Variants in TENT2 observed in about 807,000 individuals in gnomAD.
The protein encoded by TENT2 is terminal nucleotidyltransferase 2.
A neutral mutation model predicts 72.2 loss-of-function variants in TENT2; 44 were observed. The ratio of observed to expected loss-of-function variants is 0.61; its 90% confidence interval spans 0.48 to 0.78. TENT2 has a LOEUF of 0.78. Ranked by LOEUF, TENT2 falls within the 30% of genes least tolerant of loss-of-function variation. The probability of loss-of-function intolerance (pLI) is 0.00; values close to 1 mark genes in which losing one functional copy is unlikely to be tolerated. For missense variants in TENT2, 541 were observed against 569.6 expected (o/e 0.95, Z 0.51); for synonymous variants, 212 against 192.5 (o/e 1.10, Z -0.84).
chr5:79,635,343 T>C (rs1046611052), intron 4 of TENT2, among the ~76,000 whole-genome samples: 2 of 152,222 alleles, frequency 1.3e-5, no homozygotes, highest in African/African-American at 2.4e-5. Context: ...ACGAAAATTC[T>C]TTCACATAAA....
chr5:79,677,556 T>C (rs1017458562), intron 12 of TENT2, among the ~76,000 whole-genome samples: 2 of 152,206 alleles, frequency 1.3e-5, no homozygotes, highest in Non-Finnish European at 2.9e-5. Flanking sequence ...CCTATAAAAA[T>C]AATGTTTACA....
intron 3 of TENT2, among the ~76,000 whole-genome samples, chr5:79,622,734 A>C (rs1766093745): frequency 6.6e-6 from 1 of 152,128 alleles, no homozygotes; most frequent in South Asian, 2.1e-4. Context: ...TTAATAAAAT[A>C]CTATTATCTG....
At chr5:79,646,097 A>G (rs1788740208) in intron 8 of TENT2, among the ~76,000 whole-genome samples, 1 of 152,144 alleles carries the variant, frequency 6.6e-6, no homozygotes, top group South Asian at 2.1e-4. Flanking sequence ...CTCACAGTCT[A>G]ATTAATGCCA....
intron 3 of TENT2, among the ~76,000 whole-genome samples, chr5:79,622,916 T>C: frequency 6.6e-6 from 1 of 152,166 alleles, no homozygotes; most frequent in East Asian, 1.9e-4. Context: ...TATGTTATAG[T>C]TTGGATCTTC....
At chr5:79,620,948 AAG>A (rs1360794801) in intron 3 of TENT2, among the ~76,000 whole-genome samples, 1 of 152,222 alleles carries the variant, frequency 6.6e-6, no homozygotes, top group African/African-American at 2.4e-5. Context: ...CTTTGATTAA[AAG>A]AAATTCATTT....
In TENT2 at chr5:79,686,254, A is replaced by G. The variant is rs1825991472; in HGVS notation, c.*981A>G. On this transcript the variant is annotated 3_prime_UTR_variant, in exon 15 of 15. Coordinates refer to ENST00000453514, the MANE Select transcript of TENT2 (RefSeq NM_001114394.3). Reference sequence around the variant, plus strand: ...GTTTTAGATAAGACACAATAAAATTATTATAAATAAAAGCTTAATGTTTGT... The same window carrying G: ...GTTTTAGATAAGACACAATAAAATTGTTATAAATAAAAGCTTAATGTTTGT... 6.6e-6 allele frequency: 1 copy of G among 152,552 alleles called. No homozygotes were observed. The highest frequency in any genetic ancestry group is 1.5e-5 in the Non-Finnish European group (1 of 68,000). The allele number at this position is 152,552 out of a possible 1,614,324, so 9.4% of individuals were successfully genotyped here. A position where few individuals can be genotyped will look rare whatever the true frequency, so the allele number is the denominator to read the frequency against.
At chr5:79,630,536 C>T (rs1019729669) in intron 4 of TENT2, among the ~76,000 whole-genome samples, 1 of 152,164 alleles carries the variant, frequency 6.6e-6, no homozygotes, top group South Asian at 2.1e-4. Context: ...AAGACCACGC[C>T]ACTGCACTCT....
chr5:79,619,800 AT>A lies in TENT2; in HGVS notation c.137+19del. On this transcript the variant is annotated intron_variant, in intron 2 of 14. Transcript: ENST00000453514. ...CAGAATGCAGAGTGAGTATGGTGATATTTTGGCCCATGTTGTTGGTAAATTT... is the reference window on the plus strand; with the variant it reads ...CAGAATGCAGAGTGAGTATGGTGATATTTGGCCCATGTTGTTGGTAAATTT... 6.2e-7 allele frequency: 1 copy of A among 1,603,770 alleles called. No homozygotes were observed. Among genetic ancestry groups the A allele is most frequent in the Non-Finnish European group, 8.5e-7 (1 of 1,174,996 alleles).
In TENT2 at chr5:79,648,679, G is replaced by A; in HGVS notation, c.884G>A (p.Arg295Lys). 6 of 1,594,982 alleles carry A rather than the reference G, an allele frequency of 3.8e-6. No homozygotes were observed. The highest frequency in any genetic ancestry group is 4.3e-6 in the Non-Finnish European group (5 of 1,170,450). Residue 295 changes from arginine (R) to lysine (K), a missense_variant, in exon 9 of 15, where the codon AGA becomes AAA. Physicochemically the swap from Arg to Lys is conservative, Grantham distance 26. Transcript: ENST00000453514. ...IVGIRNTFLL[R>K]TYAYLENRVR... ...GGAATAAGAAACACATTCCTTCTCA[G>A]AACTTATGCATACCGTAAGTTTGTT...
intron 10 of TENT2, among the ~76,000 whole-genome samples, chr5:79,653,743 T>C (rs1232685139): frequency 2.0e-5 from 3 of 152,154 alleles, no homozygotes; most frequent in African/African-American, 7.2e-5. Flanking sequence ...ATGATTAAAA[T>C]AGTTGCTTTT....
intron 10 of TENT2, among the ~76,000 whole-genome samples, chr5:79,650,341 T>C (rs1250943127): frequency 1.3e-5 from 2 of 152,148 alleles, no homozygotes; most frequent in African/African-American, 4.8e-5. Flanking sequence ...TTTTGACTTG[T>C]AAAATGTCAC....
intron 10 of TENT2, among the ~76,000 whole-genome samples, chr5:79,655,929 A>AC (rs964724115): frequency 1.3e-5 from 2 of 151,834 alleles, no homozygotes; most frequent in Non-Finnish European, 2.9e-5. Flanking sequence ...ATAGTTGGAG[A>AC]CCGTGTAAGT....
chr5:79,631,818 A>G (rs565395786), intron 4 of TENT2, among the ~76,000 whole-genome samples: 48 of 152,290 alleles, frequency 3.2e-4, no homozygotes, highest in Non-Finnish European at 5.9e-4. Context: ...TGGAAGGGGA[A>G]TGAGTCCTGT....
chr5:79,679,592 A>G lies in TENT2; in HGVS notation c.1222A>G (p.Met408Val). Residue 408 changes from methionine (M) to valine (V), a missense_variant, in exon 13 of 15, where the codon ATG becomes GTG. Coordinates refer to ENST00000453514, the MANE Select transcript of TENT2 (RefSeq NM_001114394.3). ...TTCTTCTTATAGCTGGAATAGTCAA[A>G]TGATTTCAGTTCGTGAAGCCAAAGC... ...YATEFDWNSQ[M>V]ISVREAKAIP... 2 of 1,596,912 alleles carry G rather than the reference A, an allele frequency of 1.3e-6. No individual in the cohort carries two copies. Among genetic ancestry groups the G allele is most frequent in the Non-Finnish European group, 8.5e-7 (1 of 1,170,796 alleles).
chr5:79,630,556 G>A (rs1472750362), intron 4 of TENT2, among the ~76,000 whole-genome samples: 2 of 152,094 alleles, frequency 1.3e-5, no homozygotes, highest in African/African-American at 2.4e-5. Context: ...TAGCCTGGGC[G>A]ACAGAGTGAG....
rs1027981844 is a variant in TENT2, at chr5:79,619,912, A to G, written c.138-82A>G. 4.1e-6 allele frequency: 6 copies of G among 1,457,480 alleles called. No homozygotes were observed. The African/African-American group carries it at 5.7e-5, about 14-fold the overall frequency. The allele number at this position is 1,457,480 out of a possible 1,614,324, so 90.3% of individuals were successfully genotyped here. ...TCACATTTTTTTTTGATACGGATGT[A>G]TTTAATTTTTTTTCAGAGACTGGTT... On this transcript the variant is annotated intron_variant, in intron 2 of 14. Transcript: ENST00000453514.
chr5:79,615,709 CT>C (rs368937590), intron 1 of TENT2, among the ~76,000 whole-genome samples: 221 of 144,696 alleles, frequency 1.5e-3, no homozygotes, highest in Admixed American at 1.4e-3. Flanking sequence ...TTTCTTTTTT[CT>C]TTTTTTTTTT....
intron 8 of TENT2, among the ~76,000 whole-genome samples, chr5:79,646,954 A>G (rs536216004): frequency 6.6e-6 from 1 of 152,124 alleles, no homozygotes; most frequent in Admixed American, 6.6e-5. Flanking sequence ...TTTTTGGTAG[A>G]GACAGGGTCT....
intron 12 of TENT2, among the ~76,000 whole-genome samples, chr5:79,670,858 T>C (rs148875778): frequency 1.1e-3 from 173 of 151,552 alleles, no homozygotes; most frequent in African/African-American, 4.1e-3. Context: ...TTTGTGTACA[T>C]GAAACTTGCC....
Sources: allele counts gnomAD v4.1 joint callset (sites outside exome capture counted in the v4.1 genomes callset), GRCh38; gene constraint gnomAD v4.1.1; transcripts MANE v1.5; gene names NCBI Gene and HGNC (gene_info 2026-07-23, HGNC 2026-07-21).